The following TACC2 variants were observed in gnomAD, a reference collection of about 807,000 sequenced individuals.
TACC2 encodes transforming acidic coiled-coil-containing protein 2.
TACC2 carries 137 observed loss-of-function variants against 227.3 expected under a neutral mutation model. The observed-to-expected ratio is 0.60, with a 90% CI of 0.52 to 0.69. The LOEUF is 0.69. Ranked by LOEUF, TACC2 falls within the 30% of genes least tolerant of loss-of-function variation. The probability of loss-of-function intolerance (pLI) is 0.00; values close to 1 mark genes in which losing one functional copy is unlikely to be tolerated. For missense variants in TACC2, 3,470 were observed against 3,694.4 expected (o/e 0.94, Z 1.57); for synonymous variants, 1,523 against 1,487.5 (o/e 1.02, Z -0.55).
rs771302189 is a variant in TACC2, at chr10:122,082,932, A to G, written c.432A>G (p.Pro144=). The change falls in exon 4 of 23, where the codon CCA becomes CCG. Residue 144 remains proline, a synonymous_variant. Transcript: ENST00000369005. Reference sequence around the variant, plus strand: ...AGTCTCCCAGGAGGGAACCTGCCCCAAATGCCCCAGGAGACATCGCGGCGG... The same window carrying G: ...AGTCTCCCAGGAGGGAACCTGCCCCGAATGCCCCAGGAGACATCGCGGCGG... ...QTQSPRREPA[P]NAPGDIAAAF... The G allele has an allele frequency of 2.5e-6, 4 of 1,612,920 alleles. No individual in the cohort carries two copies. In the South Asian group the frequency reaches 3.3e-5, roughly 13 times the overall value.
intron 6 of TACC2, among the ~76,000 whole-genome samples, chr10:122,140,694 A>T (rs778638775): frequency 5.3e-5 from 8 of 152,196 alleles, no homozygotes; most frequent in Non-Finnish European, 1.0e-4. Context: ...TCCTGAGAAC[A>T]ATGTCTTTAA....
In TACC2 at chr10:122,127,142, T is replaced by C. The variant is rs375357242; in HGVS notation, c.5574-5467T>C. 4.8e-5 allele frequency: 8 copies of C among 167,542 alleles called. 1 individual carries two copies. The highest frequency in any genetic ancestry group is 7.5e-5 in the Non-Finnish European group (6 of 79,914). 10.4% of individuals were successfully genotyped at this position (167,542 alleles called of 1,614,324 possible). ...TCTTGGACTTCCCAGCCTCCAGAAC[T>C]GTGAGCAATACATCTCTGTTGTTCA... On this transcript the variant is annotated intron_variant, in intron 5 of 22. Transcript: ENST00000369005.
chr10:122,106,278 G>A (rs530863319), intron 5 of TACC2, among the ~76,000 whole-genome samples: 4 of 152,138 alleles, frequency 2.6e-5, no homozygotes, highest in Admixed American at 2.0e-4. Context: ...GTGAGCCACC[G>A]CGCCCGGCCC....
At chr10:121,991,993 A>C (rs1272242245) in intron 1 of TACC2, among the ~76,000 whole-genome samples, 4 of 152,166 alleles carry the variant, frequency 2.6e-5, no homozygotes, top group African/African-American at 4.8e-5. Flanking sequence ...AGACTTATTC[A>C]CTATCATGAG....
intron 7 of TACC2, among the ~76,000 whole-genome samples, chr10:122,151,566 A>C (rs376076658): frequency 7.7e-4 from 117 of 152,228 alleles, no homozygotes; most frequent in Non-Finnish European, 1.3e-3. Flanking sequence ...CAGACTGGGG[A>C]GTTTGCTGGT....
At chr10:122,253,296 C>T (rs1288213971) in intron 22 of TACC2, among the ~76,000 whole-genome samples, 1 of 152,202 alleles carries the variant, frequency 6.6e-6, no homozygotes, top group African/African-American at 2.4e-5. Flanking sequence ...CAGCATGTAA[C>T]CTATCTGAAA....
intron 16 of TACC2, among the ~76,000 whole-genome samples, chr10:122,236,005 T>C (rs1217311237): frequency 6.6e-6 from 1 of 152,084 alleles, no homozygotes; most frequent in East Asian, 1.9e-4. Flanking sequence ...CGAAACTATA[T>C]AGTTTCACCC....
chr10:122,158,408 A>G (rs569749391), intron 7 of TACC2, among the ~76,000 whole-genome samples: 3 of 152,088 alleles, frequency 2.0e-5, no homozygotes, highest in Non-Finnish European at 4.4e-5. Flanking sequence ...AAAAAAAACA[A>G]AAACAAAAAA....
chr10:122,205,548 T>C lies in TACC2; in HGVS notation c.5972-4849T>C, dbSNP rs1028811380. On this transcript the variant is annotated intron_variant, in intron 8 of 22. Transcript: ENST00000369005. The surrounding 1 kb of genome is among the most constrained non-coding windows in gnomAD (Gnocchi z 4.5). ...TTTTTGTGGCCAAATACTAAAGTGT[T>C]ACCCACTGGAGGTTTAAGAATGAGG... Among the ~76,000 whole-genome samples, 1 of 152,204 alleles carries C rather than the reference T, an allele frequency of 6.6e-6. No individual in the cohort carries two copies. Among genetic ancestry groups the C allele is most frequent in the African/African-American group, 2.4e-5 (1 of 41,470 alleles).
chr10:122,006,818 A>G (rs1014569291), intron 1 of TACC2, among the ~76,000 whole-genome samples: 2 of 135,790 alleles, frequency 1.5e-5, no homozygotes, highest in Admixed American at 1.4e-4. Flanking sequence ...CTTTTTATTT[A>G]TTTCTTTATG....
At position 122,083,864 on chromosome 10, in the gene TACC2, A is replaced by C. The variant is rs200950997; in HGVS notation, c.1364A>C (p.Asp455Ala). The change falls in exon 4 of 23, where the codon GAT (aspartate) becomes GCT (alanine). Residue 455 changes from aspartate to alanine, a missense_variant. Coordinates refer to ENST00000369005, the MANE Select transcript of TACC2 (RefSeq NM_206862.4). ...VSKAGMPVSA[D>A]AAKEVVDAGL... ...AAGGCTGGGATGCCAGTTTCTGCAG[A>C]TGCAGCCAAAGAGGTGGTGGATGCA... is the stretch of plus-strand genomic sequence containing the variant. The C allele has an allele frequency of 5.1e-5, 82 of 1,614,162 alleles. No individual in the cohort carries two copies. The East Asian group carries it at 1.6e-3, about 31-fold the overall frequency.
rs566785052 is a variant in TACC2, at chr10:121,989,442, G to T, written c.-92G>T. 22 of 152,372 alleles carry T rather than the reference G, an allele frequency of 1.4e-4. No homozygotes were observed. Among genetic ancestry groups the T allele is most frequent in the African/African-American group, 5.3e-4 (22 of 41,590 alleles). The allele number at this position is 152,372 out of a possible 1,614,324, so 9.4% of individuals were successfully genotyped here. A position where few individuals can be genotyped will look rare whatever the true frequency, so the allele number is the denominator to read the frequency against. ...CCTCTGAGGAGGGAAGAATAGAGTT[G>T]CTGCTGCAGACACATCAGATTCCCT... is the stretch of plus-strand genomic sequence containing the variant. On this transcript the variant is annotated 5_prime_UTR_variant, in exon 1 of 23. Coordinates refer to ENST00000369005, the MANE Select transcript of TACC2 (RefSeq NM_206862.4).
intron 2 of TACC2, among the ~76,000 whole-genome samples, chr10:122,042,304 A>G (rs1446104359): frequency 1.3e-5 from 2 of 151,914 alleles, no homozygotes; most frequent in East Asian, 3.9e-4. Flanking sequence ...GTTCAGTGGC[A>G]CAGTCTCAGC....
intron 2 of TACC2, among the ~76,000 whole-genome samples, chr10:122,038,332 C>G (rs901825821): frequency 6.6e-6 from 1 of 152,132 alleles, no homozygotes; most frequent in Admixed American, 6.6e-5. Context: ...AAAAAAGTGA[C>G]TTTTTATTCT....
chr10:122,062,817 T>A (rs2076981828), intron 3 of TACC2, among the ~76,000 whole-genome samples: 1 of 152,210 alleles, frequency 6.6e-6, no homozygotes, highest in Non-Finnish European at 1.5e-5. Context: ...TTCTTACTCC[T>A]CCGTTTCACT....
rs1270884083 is a variant in TACC2 at position 122,254,260 on chromosome 10, A to T, written c.*204A>T. On this transcript the variant is annotated 3_prime_UTR_variant, in exon 23 of 23. Coordinates refer to ENST00000369005, the MANE Select transcript of TACC2 (RefSeq NM_206862.4). ...TGCTATTGGTTTGCATTTTCCTAGTATAATTCATAGCAAGTTGACCTCAGA... is the reference window on the plus strand; with the variant it reads ...TGCTATTGGTTTGCATTTTCCTAGTTTAATTCATAGCAAGTTGACCTCAGA... 1 of 629,404 alleles carries T rather than the reference A, an allele frequency of 1.6e-6. No homozygotes were observed. The highest frequency in any genetic ancestry group is 2.4e-5 in the Admixed American group (1 of 42,096). The allele number at this position is 629,404 out of a possible 1,614,324, so 39.0% of individuals were successfully genotyped here.
At chr10:121,997,753 G>C (rs1953730219) in intron 1 of TACC2, among the ~76,000 whole-genome samples, 1 of 152,186 alleles carries the variant, frequency 6.6e-6, no homozygotes, top group African/African-American at 2.4e-5. Context: ...TGGGGTAGGG[G>C]ACAGCTCTGC....
intron 10 of TACC2, among the ~76,000 whole-genome samples, chr10:122,215,941 TC>T (rs2095395483): frequency 6.6e-6 from 1 of 152,144 alleles, no homozygotes; most frequent in African/African-American, 2.4e-5. Flanking sequence ...TCAGATAGAT[TC>T]CATTTCTTCT....
At chr10:122,155,105 C>T (rs534305513) in intron 7 of TACC2, among the ~76,000 whole-genome samples, 26 of 152,326 alleles carry the variant, frequency 1.7e-4, no homozygotes, top group African/African-American at 6.0e-4. Flanking sequence ...GAGGGAAGGA[C>T]GGAGAGGCAG....
Sources: gnomAD v4.1 joint callset for allele counts (sites outside exome capture counted in the v4.1 genomes callset) on GRCh38, gnomAD v4.1.1 for gene constraint, Gnocchi (gnomAD v3.1) non-coding constraint, MANE v1.5 for transcripts, NCBI Gene and HGNC (gene_info 2026-07-23, HGNC 2026-07-21) for gene names.